Variants in SIPA1L1 observed in about 807,000 individuals in gnomAD.
SIPA1L1 encodes the protein signal-induced proliferation-associated 1-like protein 1.
In SIPA1L1, 26 loss-of-function variants were observed where a neutral mutation model predicts 162.7. The ratio of observed to expected loss-of-function variants is 0.16; its 90% CI spans 0.12 to 0.22. The LOEUF (loss-of-function observed/expected upper bound fraction) is 0.22, where lower values mean the gene tolerates loss of function less well. Ranked by LOEUF, SIPA1L1 falls within the 10% of genes least tolerant of loss-of-function variation. The pLI is 1.00. For synonymous variants in SIPA1L1, 829 were observed against 837.4 expected (o/e 0.99, Z 0.17); for missense variants, 1,874 against 2,241.0 (o/e 0.84, Z 3.31).
At position 71,672,996 on chromosome 14, in the gene SIPA1L1, A is replaced by G. The variant is rs577041236; in HGVS notation, c.3104+374A>G. Reference sequence around the variant, plus strand: ...CAAATTGTCAGATTGCTTTTCTTCTATGTTCCATGATGCTCTTATTCTCTT... The same window carrying G: ...CAAATTGTCAGATTGCTTTTCTTCTGTGTTCCATGATGCTCTTATTCTCTT... On this transcript the variant is annotated intron_variant, in intron 12 of 23. Coordinates refer to ENST00000381232, the MANE Select transcript of SIPA1L1 (RefSeq NM_001386936.1). Among the ~76,000 whole-genome samples, 8 of 152,332 alleles carry G rather than the reference A, an allele frequency of 5.3e-5. No homozygotes were observed. The East Asian group carries it at 9.6e-4, about 18-fold the overall frequency.
Position 71,618,779 on chromosome 14 carries a change from T to C in SIPA1L1, c.1521T>C (p.Ala507=), listed in dbSNP as rs746515397. The C allele has an allele frequency of 6.2e-7, 1 of 1,613,882 alleles. No homozygotes were observed. The highest frequency in any genetic ancestry group is 8.5e-7 in the Non-Finnish European group (1 of 1,179,868). Residue 507 remains alanine, a synonymous_variant, in exon 6 of 24, where the codon GCT becomes GCC. Coordinates refer to ENST00000381232, the MANE Select transcript of SIPA1L1 (RefSeq NM_001386936.1). ...AAGAACACTGGAACTATTTTGGGGC[T>C]GATGAGAATCTTGGTCCAGTGGCTG... is the stretch of plus-strand genomic sequence containing the variant. ...YQKEHWNYFG[A]DENLGPVAVS... is the part of the protein sequence containing the mutation.
intron 2 of SIPA1L1, among the ~76,000 whole-genome samples, chr14:71,503,646 AT>A (rs914925107): frequency 1.3e-5 from 2 of 152,306 alleles, no homozygotes; most frequent in African/African-American, 4.8e-5. Flanking sequence ...CACCAAAAAA[AT>A]CGTCACTGAA....
At chr14:71,733,940 G>A in intron 21 of SIPA1L1, 128 bp downstream of exon 21, 1 of 979,808 alleles carries the variant, frequency 1.0e-6, no homozygotes, top group Non-Finnish European at 1.5e-6. Flanking sequence ...CAGTTACTGA[G>A]CATTCAGTAG....
Position 71,685,630 on chromosome 14 carries a change from C to T in SIPA1L1, c.3373C>T (p.Arg1125Trp), listed in dbSNP as rs746317351. 3.7e-6 allele frequency: 6 copies of T among 1,613,718 alleles called. No homozygotes were observed. Among genetic ancestry groups the T allele is most frequent in the South Asian group, 2.2e-5 (2 of 91,072 alleles). ...ISSDGRPLER[R>W]LSPGSDIYVT... ...CAGTGACGGGCGCCCACTAGAGAGG[C>T]GGTAAGTGTGCCTTCAAAGGTTTGC... The change falls in exon 13 of 24, where the codon CGG becomes TGG. Residue 1125 changes from arginine (R) to tryptophan (W), a missense_variant and splice_region_variant. Arg to Trp is a moderately radical substitution (Grantham distance 101, BLOSUM62 -3). Transcript: ENST00000381232.
At chr14:71,654,467 G>C (rs188408198) in intron 8 of SIPA1L1, among the ~76,000 whole-genome samples, 1 of 152,072 alleles carries the variant, frequency 6.6e-6, no homozygotes, top group Non-Finnish European at 1.5e-5. Context: ...TGTTTGTCAC[G>C]TCAGTACACA....
At chr14:71,492,730 T>TC (rs1000062730) in intron 2 of SIPA1L1, among the ~76,000 whole-genome samples, 1 of 151,758 alleles carries the variant, frequency 6.6e-6, no homozygotes, top group African/African-American at 2.4e-5. Flanking sequence ...GCTCAAGCGA[T>TC]CCATCTCAGC....
At chr14:71,346,239 A>G (rs1318657217) in intron 2 of SIPA1L1, among the ~76,000 whole-genome samples, 1 of 152,196 alleles carries the variant, frequency 6.6e-6, no homozygotes, top group Non-Finnish European at 1.5e-5. Flanking sequence ...ACACAGAGAC[A>G]AGGTAGTTTA....
intron 2 of SIPA1L1, among the ~76,000 whole-genome samples, chr14:71,381,273 C>CA (rs1421304373): frequency 1.3e-5 from 2 of 152,072 alleles, no homozygotes; most frequent in African/African-American, 4.8e-5. Flanking sequence ...AGGATGGTCT[C>CA]AATCTCCTGA....
chr14:71,701,455 A>G (rs567190171), intron 14 of SIPA1L1, among the ~76,000 whole-genome samples: 2 of 150,212 alleles, frequency 1.3e-5, no homozygotes, highest in Non-Finnish European at 3.0e-5. Context: ...TCTTCAAGTG[A>G]TCCTCCTGTA....
chr14:71,518,642 G>A (rs1229246388), intron 3 of SIPA1L1, among the ~76,000 whole-genome samples: 1 of 151,728 alleles, frequency 6.6e-6, no homozygotes, highest in Non-Finnish European at 1.5e-5. Flanking sequence ...GGAATTTGTC[G>A]AGTTTTTAAA....
chr14:71,672,698 G>C, intron 12 of SIPA1L1, 76 bp downstream of exon 12: 2 of 1,474,198 alleles, frequency 1.4e-6, no homozygotes. Context: ...TCTCTTAGCA[G>C]GTAGTGGAGT....
At chr14:71,715,612 G>A (rs1009128412) in intron 17 of SIPA1L1, among the ~76,000 whole-genome samples, 1 of 152,250 alleles carries the variant, frequency 6.6e-6, no homozygotes, top group South Asian at 2.1e-4. Flanking sequence ...CATGTCTGTT[G>A]AAAATAAAAA....
chr14:71,610,970 T>G (rs1256556499), intron 5 of SIPA1L1, among the ~76,000 whole-genome samples: 1 of 152,218 alleles, frequency 6.6e-6, no homozygotes, highest in Non-Finnish European at 1.5e-5. Context: ...ATTATAAGCT[T>G]AGTGCCATGC....
At chr14:71,421,928 A>T (rs1326695289) in intron 2 of SIPA1L1, among the ~76,000 whole-genome samples, 9 of 152,214 alleles carry the variant, frequency 5.9e-5, no homozygotes, top group Non-Finnish European at 1.0e-4. Flanking sequence ...AAGGGGACTC[A>T]TAATTATTGT....
rs543643774 is a variant in SIPA1L1, at chr14:71,470,588, C to G, written c.-464-42155C>G. 5.9e-5 allele frequency among the ~76,000 whole-genome samples: 9 copies of G among 152,174 alleles called. No individual in the cohort carries two copies. In the South Asian group the frequency reaches 1.9e-3, roughly 32 times the overall value. On this transcript the variant is annotated intron_variant, in intron 2 of 23. Transcript: ENST00000381232. ...GGGGACTTAGTGGGTGATCACCTGGCGGAGCTGCTTGTAGGTCATTGGATG... is the reference window on the plus strand; with the variant it reads ...GGGGACTTAGTGGGTGATCACCTGGGGGAGCTGCTTGTAGGTCATTGGATG...
chr14:71,681,102 G>T (rs957424429), intron 12 of SIPA1L1, among the ~76,000 whole-genome samples: 1 of 152,236 alleles, frequency 6.6e-6, no homozygotes, highest in South Asian at 2.1e-4. Flanking sequence ...GAGAAGTTCA[G>T]TTGCTGCCCA....
intron 9 of SIPA1L1, among the ~76,000 whole-genome samples, chr14:71,659,954 C>T (rs530181625): frequency 6.6e-6 from 1 of 151,586 alleles, no homozygotes; most frequent in Non-Finnish European, 1.5e-5. Flanking sequence ...GAAAAAAAAA[C>T]CAGGAAAAAT....
chr14:71,376,493 A>G (rs2039382718), intron 2 of SIPA1L1, among the ~76,000 whole-genome samples: 1 of 149,966 alleles, frequency 6.7e-6, no homozygotes, highest in African/African-American at 2.5e-5. Context: ...AAAACTAAAA[A>G]ATCAGGCAAC....
chr14:71,544,071 G>GCACGCACATGTATGTATATACA (rs1162146795), intron 4 of SIPA1L1, among the ~76,000 whole-genome samples: 8 of 142,946 alleles, frequency 5.6e-5, no homozygotes, highest in East Asian at 4.1e-4. Flanking sequence ...ATATACACAC[G>GCACGCACATGTATGTATATACA]CACGCACATG....
Sources: allele counts gnomAD v4.1 joint callset (sites outside exome capture counted in the v4.1 genomes callset), GRCh38; gene constraint gnomAD v4.1.1; transcripts MANE v1.5; gene names NCBI Gene and HGNC (gene_info 2026-07-23, HGNC 2026-07-21).